The following OBP2B variants were observed in gnomAD, a reference collection of about 807,000 sequenced individuals.
The protein encoded by OBP2B is odorant binding protein 2B, also known as odorant-binding protein 2b.
In OBP2B, 10 loss-of-function variants were observed where a neutral mutation model predicts 21.7. The ratio of observed to expected loss-of-function variants is 0.46; its 90% CI spans 0.28 to 0.78. OBP2B has a LOEUF of 0.78. OBP2B is among the 30% of genes least tolerant of loss of function. The probability of loss-of-function intolerance (pLI) is 0.11; values close to 1 mark genes in which losing one functional copy is unlikely to be tolerated. For missense variants in OBP2B, 153 were observed against 217.7 expected, an observed-to-expected ratio of 0.70 and a Z score of 1.87; for synonymous variants, 73 against 91.5, an observed-to-expected ratio of 0.80 and a Z score of 1.16.
At chr9:133,216,148 C>T in the OBP2B span, among the ~76,000 whole-genome samples, 2 of 151,252 alleles carry the variant, frequency 1.3e-5, no homozygotes, top group Non-Finnish European at 2.9e-5. Context: ...AATAAAAAGA[C>T]AAGCCAAAGA....
At chr9:133,213,506 G>A (rs1833941133), upstream of OBP2B, among the ~76,000 whole-genome samples, 2 of 152,152 alleles carry the variant, frequency 1.3e-5, no homozygotes, top group South Asian at 4.1e-4. Context: ...TGAAACAAGG[G>A]CTAGTTCTCT....
chr9:133,208,047 A>C, intron 3 of OBP2B, 86 bp downstream of exon 3: 1 of 1,492,362 alleles, frequency 6.7e-7, no homozygotes, highest in Non-Finnish European at 9.0e-7. Flanking sequence ...GCAAAAGGGC[A>C]GCCTGGGCAC....
chr9:133,220,618 A>C, the OBP2B span, among the ~76,000 whole-genome samples: 1 of 149,498 alleles, frequency 6.7e-6, no homozygotes, highest in East Asian at 2.0e-4. Context: ...TCCCCTAAAG[A>C]TGTCCACATC....
chr9:133,218,762 G>GA, the OBP2B span, among the ~76,000 whole-genome samples: 1 of 152,154 alleles, frequency 6.6e-6, no homozygotes, highest in Non-Finnish European at 1.5e-5. Flanking sequence ...GAGTCAGACG[G>GA]CGTGGACGGG....
chr9:133,207,121 G>C (rs2119391821), intron 4 of OBP2B, 105 bp downstream of exon 4: 4 of 805,726 alleles, frequency 5.0e-6, no homozygotes, highest in Middle Eastern at 3.0e-4. Context: ...GCCGGCACAG[G>C]GGGCTTCCTT....
upstream of OBP2B, among the ~76,000 whole-genome samples, chr9:133,212,101 G>A (rs1428774119): frequency 6.6e-6 from 1 of 152,158 alleles, no homozygotes; most frequent in African/African-American, 2.4e-5. Flanking sequence ...AACAGAGAGG[G>A]AAATTATACA....
At chr9:133,208,084 G>T (rs1240325795) in intron 3 of OBP2B, 49 bp downstream of exon 3, 2 of 1,531,396 alleles carry the variant, frequency 1.3e-6, no homozygotes, top group African/African-American at 2.8e-5. Context: ...CTGGTGCACT[G>T]GGGTTGGCGG....
chr9:133,208,248 TG>T (rs1833806893), intron 2 of OBP2B, 45 bp from the exon 3 acceptor site: 1 of 1,610,656 alleles, frequency 6.2e-7, no homozygotes, highest in African/African-American at 1.3e-5. Flanking sequence ...AGGACACCCA[TG>T]GCCCATCCTC....
At chr9:133,210,580 G>T (rs1171915986), upstream of OBP2B, among the ~76,000 whole-genome samples, 5 of 151,994 alleles carry the variant, frequency 3.3e-5, no homozygotes, top group Non-Finnish European at 7.3e-5. Flanking sequence ...TGTACCCCAG[G>T]CACCTCGTAT....
intron 3 of OBP2B, chr9:133,207,775 T>TA: frequency 9.2e-7 from 1 of 1,086,074 alleles, no homozygotes; most frequent in Non-Finnish European, 1.3e-6. Context: ...TCCCCATCCT[T>TA]AACCCTCAGC....
rs781946192 is a variant in OBP2B at position 133,208,483 on chromosome 9, G to T, written c.192C>A (p.Ala64=). 7 of 1,613,722 alleles carry T rather than the reference G, an allele frequency of 4.3e-6. No homozygotes were observed. The part of the protein sequence containing the change: ...VTALGGGKLE[A]TFTFMREDRC... ...GCAACACTCACATGAAGGTGAACGT[G>T]GCTTCCAACTTCCCACCGCCCAGGG... Residue 64 remains alanine, a synonymous_variant, in exon 2 of 7, where the codon GCC becomes GCA. Coordinates refer to ENST00000372034, the MANE Select transcript of OBP2B (RefSeq NM_014581.4).
Position 133,207,302 on chromosome 9 carries a change from C to A in OBP2B, c.312G>T (p.Leu104=). 1 of 1,613,708 alleles carries A rather than the reference C, an allele frequency of 6.2e-7. No individual in the cohort carries two copies. The highest frequency in any genetic ancestry group is 8.5e-7 in the Non-Finnish European group (1 of 1,179,678). ...GGRKLMYLQE[L]PRRDHYIFYC... ...AAAAGATGTAGTGGTCCCTCCTGGG[C>A]AGCTCCTGCAGGTACATGAGCTTCC... is the stretch of plus-strand genomic sequence containing the variant. The change falls in exon 4 of 7, where the codon CTG becomes CTT. Residue 104 remains leucine (L), a synonymous_variant. Coordinates refer to ENST00000372034, the MANE Select transcript of OBP2B (RefSeq NM_014581.4).
At position 133,205,612 on chromosome 9, in the gene OBP2B, G is replaced by A. The variant is rs1228006572; in HGVS notation, c.*2-201C>T. ...GGGTGGATGGTGGGGAGTGGACCGC[G>A]TGGGGACAGGTGCAGGGGGCGATGG... On this transcript the variant is annotated intron_variant, in intron 6 of 6. Coordinates refer to ENST00000372034, the MANE Select transcript of OBP2B (RefSeq NM_014581.4). 44 of 605,642 alleles carry A rather than the reference G, an allele frequency of 7.3e-5. 1 individual carries two copies. Among genetic ancestry groups the A allele is most frequent in the Admixed American group, 8.9e-5 (3 of 33,738 alleles). The allele number at this position is 605,642 out of a possible 1,614,324, so 37.5% of individuals were successfully genotyped here.
chr9:133,206,960 C>G (rs1833738514), intron 4 of OBP2B, among the ~76,000 whole-genome samples: 1 of 152,096 alleles, frequency 6.6e-6, no homozygotes, highest in Non-Finnish European at 1.5e-5. Flanking sequence ...AGGTGACCCT[C>G]CCCCTTAAGG....
chr9:133,211,255 C>G (rs1183506925), upstream of OBP2B, among the ~76,000 whole-genome samples: 2 of 152,214 alleles, frequency 1.3e-5, no homozygotes, highest in Non-Finnish European at 2.9e-5. Flanking sequence ...GCTGCAAGAC[C>G]AACTGCACAG....
chr9:133,206,442 C>T (rs11244037), intron 4 of OBP2B, 26 bp from the exon 5 acceptor site: 314,798 of 1,608,266 alleles, frequency 0.2, 32,386 homozygotes, highest in Admixed American at 0.3. Context: ...CCAGGTGAGC[C>T]GACGTGGGGA....
At chr9:133,210,086 G>A (rs1588619700), upstream of OBP2B, among the ~76,000 whole-genome samples, 1 of 152,218 alleles carries the variant, frequency 6.6e-6, no homozygotes, top group African/African-American at 2.4e-5. Flanking sequence ...GTCGCATGAG[G>A]CACCAAGAGT....
the OBP2B span, among the ~76,000 whole-genome samples, chr9:133,214,985 G>A: frequency 6.6e-6 from 1 of 152,320 alleles, no homozygotes; most frequent in Admixed American, 6.5e-5. Flanking sequence ...TGCATCTGCA[G>A]ATGACATGAT....
chr9:133,207,764 C>A, intron 3 of OBP2B: 1 of 1,016,926 alleles, frequency 9.8e-7, no homozygotes, highest in Non-Finnish European at 1.4e-6. Context: ...AACCCTCAGC[C>A]TCCCCATCCT....
Sources: allele counts gnomAD v4.1 joint callset (sites outside exome capture counted in the v4.1 genomes callset), GRCh38; gene constraint gnomAD v4.1.1; transcripts MANE v1.5; gene names NCBI Gene and HGNC (gene_info 2026-07-23, HGNC 2026-07-21).